ZNF460: variants seen among roughly 807,000 people sequenced by gnomAD.
ZNF460 encodes zinc finger protein 272.
In ZNF460, 1 loss-of-function variant was observed where a neutral mutation model predicts 8.4. The ratio of observed to expected loss-of-function variants is 0.12; its 90% CI spans 0.04 to 0.56. ZNF460 has a LOEUF of 0.56. Among genes scored for constraint, ZNF460 ranks in the 20% least tolerant of loss-of-function variants. ZNF460 has a pLI of 0.91. For missense variants in ZNF460, 477 were observed against 714.8 expected (o/e 0.67, Z 3.79); for synonymous variants, 262 against 259.9 (o/e 1.01, Z -0.08).
chr19:57,282,910 G>C (rs954278080), intron 1 of ZNF460, among the ~76,000 whole-genome samples: 3 of 151,838 alleles, frequency 2.0e-5, no homozygotes, highest in Non-Finnish European at 4.4e-5. Context: ...AGGATCACTA[G>C]ATCACAGGAG....
rs780338919 is a variant in ZNF460, at chr19:57,290,713, C to T, written c.172C>T (p.Pro58Ser). ...LLVALGDSTK[P>S]ETVEPIPSHL... ...GTTCCCTTCAGGTGACAGCACAAAA[C>T]CTGAGACCGTAGAGCCTATCCCTTC... Residue 58 changes from proline to serine, a missense_variant, in exon 3 of 3, where the codon CCT becomes TCT. This residue lies in a region of ZNF460 where 169 missense variants were observed against 178.6 expected (regional missense o/e 0.95). Transcript: ENST00000360338. 77 of 1,612,642 alleles carry T rather than the reference C, an allele frequency of 4.8e-5. No homozygotes were observed. Among genetic ancestry groups the T allele is most frequent in the Non-Finnish European group, 5.8e-5 (68 of 1,179,174 alleles).
intron 1 of ZNF460, chr19:57,281,738 G>C (rs1453539731): frequency 6.6e-6 from 1 of 151,852 alleles, no homozygotes. Context: ...GCTAATTTTT[G>C]TATTTTTAGT....
intron 1 of ZNF460, among the ~76,000 whole-genome samples, chr19:57,283,502 CTTTT>C (rs926242067): frequency 4.1e-4 from 28 of 68,542 alleles, no homozygotes; most frequent in Non-Finnish European, 5.0e-4. Context: ...TTTGACTATT[CTTTT>C]TTTTTTTTTT....
At position 57,292,198 on chromosome 19, in the gene ZNF460, G is replaced by A. The variant is rs137997052; in HGVS notation, c.1657G>A (p.Gly553Arg). 138 of 1,613,348 alleles carry A rather than the reference G, an allele frequency of 8.6e-5. No homozygotes were observed. In the South Asian group the frequency reaches 8.7e-4, roughly 10 times the overall value. Residue 553 changes from glycine (G) to arginine (R), a missense_variant, in exon 3 of 3, where the codon GGA becomes AGA. Transcript: ENST00000360338. ...AAHSSSLDIN[G>R]FIVEETLPL ...TCATTCCTCCTCACTCGACATCAAC[G>A]GATTCATAGTGGAAGAAACCCTACC...
rs2087936471 is a variant in ZNF460 at position 57,293,870 on chromosome 19, A to C, written c.*1640A>C. ...ATGGAGTATTTCTCTTTCTGTGTCT[A>C]GCTTATTTCACTTAATGTCTTTCAA... On this transcript the variant is annotated 3_prime_UTR_variant, in exon 3 of 3. Transcript: ENST00000360338. The C allele has an allele frequency of 6.6e-6, 1 of 152,112 alleles. No individual in the cohort carries two copies. The highest frequency in any genetic ancestry group is 1.5e-5 in the Non-Finnish European group (1 of 68,016). 9.4% of individuals were successfully genotyped at this position (152,112 alleles called of 1,614,324 possible). A position where few individuals can be genotyped will look rare whatever the true frequency, so the allele number is the denominator to read the frequency against.
chr19:57,283,356 G>A (rs1177363395), intron 1 of ZNF460, among the ~76,000 whole-genome samples: 1 of 151,616 alleles, frequency 6.6e-6, no homozygotes, highest in Non-Finnish European at 1.5e-5. Context: ...TTTTAGTAGA[G>A]ATGGGGTTTC....
chr19:57,288,882 T>C (rs2087896788), intron 2 of ZNF460, among the ~76,000 whole-genome samples: 1 of 151,406 alleles, frequency 6.6e-6, no homozygotes, highest in African/African-American at 2.4e-5. Flanking sequence ...ATTCTTTTTA[T>C]TTATTATTAT....
Position 57,280,485 on chromosome 19 carries a change from G to C in ZNF460, c.-322G>C. 2.6e-6 allele frequency: 1 copy of C among 390,668 alleles called. No individual in the cohort carries two copies. Among genetic ancestry groups the C allele is most frequent in the Non-Finnish European group, 4.7e-6 (1 of 212,380 alleles). The allele number at this position is 390,668 out of a possible 1,614,324, so 24.2% of individuals were successfully genotyped here. On this transcript the variant is annotated 5_prime_UTR_variant, in exon 1 of 3. Transcript: ENST00000360338. The stretch of plus-strand genomic sequence containing the variant: ...CATCTCCGTGGGCCGGTTTGGCCCT[G>C]AAACAGTGTGGGGCCTAGAGCGCTG...
intron 2 of ZNF460, among the ~76,000 whole-genome samples, chr19:57,285,436 C>T (rs2087872621): frequency 1.3e-5 from 2 of 152,192 alleles, no homozygotes; most frequent in South Asian, 4.1e-4. Context: ...TTCCTTGGCA[C>T]TACTACTTCC....
chr19:57,289,249 A>G (rs1313656376), intron 2 of ZNF460, among the ~76,000 whole-genome samples: 2 of 152,086 alleles, frequency 1.3e-5, no homozygotes, highest in African/African-American at 2.4e-5. Context: ...CCTCTGTCCT[A>G]GGAGCTCTGT....
Position 57,291,676 on chromosome 19 carries a change from T to C in ZNF460, c.1135T>C (p.Tyr379His), listed in dbSNP as rs2087918981. Residue 379 changes from tyrosine (Y) to histidine (H), a missense_variant, in exon 3 of 3, where the codon TAT becomes CAT. Tyr to His is a moderately conservative substitution (Grantham distance 83). This residue lies in a region of ZNF460 where 193 missense variants were observed against 391.7 expected (regional missense o/e 0.49). Transcript: ENST00000360338. This position sits in a 1 kb window ranked among gnomAD's most constrained non-coding sequence, Gnocchi z 8.4. ...AAAGGCCTTCACTCACTATTCCACC[T>C]ATGTCCTGCATGAAAGAGCCCACAC... ...CGKAFTHYST[Y>H]VLHERAHTGE... 1 of 1,613,902 alleles carries C rather than the reference T, an allele frequency of 6.2e-7. No individual in the cohort carries two copies. The highest frequency in any genetic ancestry group is 8.5e-7 in the Non-Finnish European group (1 of 1,179,912).
chr19:57,284,652 G>T lies in ZNF460; in HGVS notation c.132G>T (p.Glu44Asp), dbSNP rs2087866288. 6.2e-7 allele frequency: 1 copy of T among 1,612,636 alleles called. No individual in the cohort carries two copies. Among genetic ancestry groups the T allele is most frequent in the East Asian group, 2.2e-5 (1 of 44,700 alleles). Reference protein sequence around the residue: ...QRALYVEVMLETCGLLVALGD... With the variant: ...QRALYVEVMLDTCGLLVALGD... ...CCTTGTACGTGGAGGTGATGCTGGA[G>T]ACCTGTGGGCTTCTGGTCGCACTGG... is the stretch of plus-strand genomic sequence containing the variant. Residue 44 changes from glutamate (E) to aspartate (D), a missense_variant, in exon 2 of 3, where the codon GAG (glutamate) becomes GAT (aspartate). Around this residue, in one of 5 missense-constraint regions of ZNF460, gnomAD observed 10 missense variants for 39.8 expected, o/e 0.25. Coordinates refer to ENST00000360338, the MANE Select transcript of ZNF460 (RefSeq NM_006635.4).
At chr19:57,286,343 T>C (rs1266900015) in intron 2 of ZNF460, among the ~76,000 whole-genome samples, 3 of 152,214 alleles carry the variant, frequency 2.0e-5, no homozygotes, top group Non-Finnish European at 4.4e-5. Context: ...TTGTAATTGC[T>C]ATGGGGCACC....
chr19:57,282,987 TAAAA>T (rs550453875), intron 1 of ZNF460, among the ~76,000 whole-genome samples: 1 of 134,196 alleles, frequency 7.5e-6, no homozygotes, highest in African/African-American at 2.7e-5. Flanking sequence ...TGAGACCATC[TAAAA>T]AAAAAAAAAA....
intron 1 of ZNF460, among the ~76,000 whole-genome samples, chr19:57,283,722 G>T (rs1438179780): frequency 6.7e-6 from 1 of 149,448 alleles, no homozygotes; most frequent in Non-Finnish European, 1.5e-5. Context: ...GGCTTGTCTC[G>T]AATTCCTGAC....
intron 2 of ZNF460, among the ~76,000 whole-genome samples, chr19:57,286,233 G>T (rs1461690958): frequency 1.3e-5 from 2 of 152,110 alleles, no homozygotes; most frequent in Non-Finnish European, 2.9e-5. Flanking sequence ...CTCACTTTTT[G>T]TCTGTGTCAC....
At chr19:57,287,108 C>T (rs1423387451) in intron 2 of ZNF460, among the ~76,000 whole-genome samples, 1 of 152,200 alleles carries the variant, frequency 6.6e-6, no homozygotes, top group Non-Finnish European at 1.5e-5. Flanking sequence ...TCTATTAGCT[C>T]ATATTTAGAC....
Position 57,291,413 on chromosome 19 carries a change from A to G in ZNF460, c.872A>G (p.Tyr291Cys). The G allele has an allele frequency of 6.2e-7, 1 of 1,613,998 alleles. No individual in the cohort carries two copies. The change falls in exon 3 of 3, where the codon TAC (tyrosine) becomes TGC (cysteine). Residue 291 changes from tyrosine to cysteine, a missense_variant. Physicochemically the swap from Tyr to Cys is radical, Grantham distance 194 (BLOSUM62 -2). Transcript: ENST00000360338. The surrounding 1 kb of genome is among the most constrained non-coding windows in gnomAD (Gnocchi z 8.4). ...VCNECGKAFT[Y>C]RSNFVLHNKS... The stretch of plus-strand genomic sequence containing the variant: ...AATGAATGTGGAAAGGCCTTTACCT[A>G]CCGCTCCAATTTTGTCTTGCATAAC...
rs1371432574 is a variant in ZNF460 at position 57,282,237 on chromosome 19, A to G, written c.30+1401A>G. On this transcript the variant is annotated intron_variant, in intron 1 of 2. Coordinates refer to ENST00000360338, the MANE Select transcript of ZNF460 (RefSeq NM_006635.4). Reference sequence around the variant, plus strand: ...TCCCCTTACTCCCTTACCTGCTGACATATTCTGAGAGGGCACGTTTGTATG... The same window carrying G: ...TCCCCTTACTCCCTTACCTGCTGACGTATTCTGAGAGGGCACGTTTGTATG... Among the ~76,000 whole-genome samples the G allele has an allele frequency of 3.9e-5, 6 of 152,248 alleles. No individual in the cohort carries two copies. The East Asian group carries it at 7.7e-4, about 20-fold the overall frequency.
Sources: allele counts gnomAD v4.1 joint callset (sites outside exome capture counted in the v4.1 genomes callset), GRCh38; gene constraint gnomAD v4.1.1; regional missense constraint gnomAD v4.1.1; non-coding constraint Gnocchi (gnomAD v3.1); transcripts MANE v1.5; gene names NCBI Gene and HGNC (gene_info 2026-07-23, HGNC 2026-07-21).